ZNHIT6: variants seen among roughly 807,000 people sequenced by gnomAD.
ZNHIT6 encodes box C/D snoRNA protein 1.
In ZNHIT6, 45 loss-of-function variants were observed where a neutral mutation model predicts 57.2. The ratio of observed to expected loss-of-function variants is 0.79; its 90% CI spans 0.62 to 1.01. ZNHIT6 has a LOEUF of 1.01. ZNHIT6 is among the 50% of genes least tolerant of loss of function. The probability of loss-of-function intolerance (pLI) is 0.00; values close to 1 mark genes in which losing one functional copy is unlikely to be tolerated. For missense variants in ZNHIT6, 528 were observed against 567.3 expected (o/e 0.93, Z 0.70); for synonymous variants, 188 against 190.0 (o/e 0.99, Z 0.09).
At chr1:85,684,207 A>G (rs1007075145) in intron 5 of ZNHIT6, among the ~76,000 whole-genome samples, 4 of 152,218 alleles carry the variant, frequency 2.6e-5, no homozygotes, top group Admixed American at 6.5e-5. Context: ...GAGTTGGGTG[A>G]TAAGACTGGT....
intron 5 of ZNHIT6, among the ~76,000 whole-genome samples, chr1:85,687,594 CTCCTAATAAG>C (rs2100695173): frequency 6.6e-6 from 1 of 152,264 alleles, no homozygotes; most frequent in South Asian, 2.1e-4. Flanking sequence ...CTACTTAACT[CTCCTAATAAG>C]TGTTTCCATA....
At chr1:85,677,575 C>T (rs1042500204) in intron 7 of ZNHIT6, among the ~76,000 whole-genome samples, 4 of 152,280 alleles carry the variant, frequency 2.6e-5, no homozygotes, top group African/African-American at 9.6e-5. Flanking sequence ...GTATCCTATT[C>T]AGTGACATTT....
rs537199483 is a variant in ZNHIT6, at chr1:85,652,711, T to C, written c.*1347A>G. The C allele has an allele frequency of 2.6e-5, 4 of 152,258 alleles. No homozygotes were observed. The highest frequency in any genetic ancestry group is 9.6e-5 in the African/African-American group (4 of 41,568). The allele number at this position is 152,258 out of a possible 1,614,324, so 9.4% of individuals were successfully genotyped here. ...CCTTAACTAACGTCTCTGGTTTCTT[T>C]TTGGTAAAAAACTTATTCCAACTGT... is the stretch of plus-strand genomic sequence containing the variant. On this transcript the variant is annotated 3_prime_UTR_variant, in exon 10 of 10. Transcript: ENST00000370574.
chr1:85,657,418 T>C (rs1354427892), intron 9 of ZNHIT6, among the ~76,000 whole-genome samples: 1 of 138,484 alleles, frequency 7.2e-6, no homozygotes, highest in Non-Finnish European at 1.6e-5. Context: ...TACTAGGCTT[T>C]TTTTTTTTTT....
At chr1:85,686,603 C>T (rs1040573655) in intron 5 of ZNHIT6, among the ~76,000 whole-genome samples, 3 of 152,042 alleles carry the variant, frequency 2.0e-5, no homozygotes, top group African/African-American at 4.8e-5. Flanking sequence ...CCAAAGAACA[C>T]TAACGAGAGC....
At chr1:85,692,927 T>A (rs892713174) in intron 5 of ZNHIT6, among the ~76,000 whole-genome samples, 5 of 152,230 alleles carry the variant, frequency 3.3e-5, no homozygotes, top group African/African-American at 1.2e-4. Flanking sequence ...CCTAGTGGCT[T>A]GCTTCTAAAA....
intron 5 of ZNHIT6, among the ~76,000 whole-genome samples, chr1:85,687,849 C>T (rs12756013): frequency 0.32 from 47,883 of 151,960 alleles, 8,035 homozygotes; most frequent in East Asian, 0.49. Context: ...CAGGTTCCAT[C>T]CTGGCCAACA....
rs1246265505 is a variant in ZNHIT6 at position 85,708,114 on chromosome 1, T to C, written c.171A>G (p.Ile57Met). The change falls in exon 1 of 10, where the codon ATA becomes ATG. Residue 57 changes from isoleucine to methionine, a missense_variant. By Grantham distance (10) the Ile-to-Met change is conservative. Coordinates refer to ENST00000370574, the MANE Select transcript of ZNHIT6 (RefSeq NM_017953.4). ...GTCCACTTCCTTCCTCTCCATCCCC[T>C]ATCTCCTTTATCCCTGTCAGCCCTG... is the stretch of plus-strand genomic sequence containing the variant. The part of the protein sequence containing the change: ...EGTGLTGIKE[I>M]GDGEEGSGQR... 3 of 1,613,970 alleles carry C rather than the reference T, an allele frequency of 1.9e-6. No homozygotes were observed. The highest frequency in any genetic ancestry group is 2.5e-6 in the Non-Finnish European group (3 of 1,180,030).
chr1:85,677,032 GAAAAT>G (rs1391600479), intron 8 of ZNHIT6, among the ~76,000 whole-genome samples, 199 bp downstream of exon 8: 7 of 152,072 alleles, frequency 4.6e-5, no homozygotes, highest in African/African-American at 1.7e-4. Context: ...TCAGTTGACG[GAAAAT>G]AAAATATTCT....
At chr1:85,704,455 G>A (rs1662623277) in intron 4 of ZNHIT6, among the ~76,000 whole-genome samples, 1 of 152,084 alleles carries the variant, frequency 6.6e-6, no homozygotes, top group Non-Finnish European at 1.5e-5. Context: ...GATCAGGGAA[G>A]GGCATAAAAG....
intron 5 of ZNHIT6, among the ~76,000 whole-genome samples, chr1:85,687,977 A>G (rs1396938089): frequency 1.3e-5 from 2 of 150,500 alleles, no homozygotes; most frequent in Non-Finnish European, 2.9e-5. Flanking sequence ...CCGGAGACAG[A>G]GGTTGCAGTG....
intron 6 of ZNHIT6, among the ~76,000 whole-genome samples, chr1:85,679,561 ATG>A (rs1661803640): frequency 3.9e-5 from 3 of 77,442 alleles, no homozygotes; most frequent in African/African-American, 8.0e-5. Flanking sequence ...AAACATTAAA[ATG>A]TTTTTTTTTT....
chr1:85,657,780 G>A, intron 9 of ZNHIT6, 67 bp downstream of exon 9: 1 of 1,441,642 alleles, frequency 6.9e-7, no homozygotes, highest in Non-Finnish European at 9.6e-7. Flanking sequence ...AGAAATAAGG[G>A]TGGACATATT....
chr1:85,699,463 C>T (rs984165361), intron 5 of ZNHIT6, among the ~76,000 whole-genome samples: 1 of 152,070 alleles, frequency 6.6e-6, no homozygotes, highest in African/African-American at 2.4e-5. Context: ...GGGGGTGATT[C>T]TGCCTCCTGC....
intron 5 of ZNHIT6, among the ~76,000 whole-genome samples, chr1:85,683,476 T>C (rs1029735731): frequency 2.0e-5 from 3 of 151,780 alleles, no homozygotes; most frequent in Admixed American, 2.0e-4. Flanking sequence ...TGAGCTGAGA[T>C]TGAGCCACTG....
intron 5 of ZNHIT6, among the ~76,000 whole-genome samples, chr1:85,687,280 T>TAAAAAAAA: frequency 1.4e-4 from 1 of 7,206 alleles, no homozygotes; most frequent in African/African-American, 2.2e-4. Flanking sequence ...GAAGACTATC[T>TAAAAAAAA]CAAAAAACAA....
chr1:85,701,691 C>T (rs1662533047), intron 5 of ZNHIT6, among the ~76,000 whole-genome samples: 1 of 151,970 alleles, frequency 6.6e-6, no homozygotes. Flanking sequence ...TCCTGGAAGC[C>T]CCTGAAATAC....
At chr1:85,657,228 T>C (rs910283170) in intron 9 of ZNHIT6, among the ~76,000 whole-genome samples, 1 of 152,138 alleles carries the variant, frequency 6.6e-6, no homozygotes, top group African/African-American at 2.4e-5. Context: ...ATGTACATTT[T>C]TTCCAGTTCT....
chr1:85,667,961 A>AAAAAAAAAAAAAAAAAATGTATATATAT, intron 8 of ZNHIT6, among the ~76,000 whole-genome samples: 8 of 18,196 alleles, frequency 4.4e-4, no homozygotes, highest in East Asian at 1.7e-3. Flanking sequence ...AAAAAAAAAA[A>AAAAAAAAAAAAAAAAAATGTATATATAT]ATATATATAT....
Sources: allele counts gnomAD v4.1 joint callset (sites outside exome capture counted in the v4.1 genomes callset), GRCh38; gene constraint gnomAD v4.1.1; transcripts MANE v1.5; gene names NCBI Gene and HGNC (gene_info 2026-07-23, HGNC 2026-07-21).